DOCK9: variants seen among roughly 807,000 people sequenced by gnomAD.
The protein encoded by DOCK9 is dedicator of cytokinesis 9, also known as dedicator of cytokinesis protein 9.
In DOCK9, 89 loss-of-function variants were observed where a neutral mutation model predicts 263.3. The ratio of observed to expected loss-of-function variants is 0.34; its 90% CI spans 0.28 to 0.40. The LOEUF is 0.40. Among genes scored for constraint, DOCK9 ranks in the 10% least tolerant of loss-of-function variants. The probability of loss-of-function intolerance (pLI) is 1.00; values close to 1 mark genes in which losing one functional copy is unlikely to be tolerated. For missense variants in DOCK9, 2,140 were observed against 2,603.4 expected (o/e 0.82, Z 3.87); for synonymous variants, 976 against 973.1 (o/e 1.00, Z -0.06).
upstream of DOCK9, among the ~76,000 whole-genome samples, chr13:98,980,324 TA>T (rs1213848264): frequency 1.3e-5 from 2 of 152,278 alleles, no homozygotes; most frequent in African/African-American, 4.8e-5. Context: ...ATTGTTTATT[TA>T]ATCTTCATAA....
At chr13:98,804,901 T>C in intron 49 of DOCK9, 98 bp downstream of exon 49, 1 of 1,316,880 alleles carries the variant, frequency 7.6e-7, no homozygotes, top group Admixed American at 2.2e-5. Flanking sequence ...CTAACTGAGC[T>C]CGAAAGACCC....
chr13:98,824,359 C>T lies in DOCK9; in HGVS notation c.5130+39G>A, dbSNP rs534167442. On this transcript the variant is annotated intron_variant, in intron 45 of 52. Coordinates refer to ENST00000682017, the MANE Select transcript of DOCK9 (RefSeq NM_001366683.2). ...AATGCAAACAGCAGGCTCCCAGATA[C>T]CCCAGTACCTGAAAGCCCACATGAG... 3.1e-6 allele frequency: 5 copies of T among 1,589,090 alleles called. No individual in the cohort carries two copies. The South Asian group carries it at 5.5e-5, about 18-fold the overall frequency.
At chr13:98,885,395 C>A (rs753540131) in intron 20 of DOCK9, 5 of 521,658 alleles carry the variant, frequency 9.6e-6, no homozygotes, top group Non-Finnish European at 1.4e-5. Flanking sequence ...CTTGAGCTCA[C>A]GAGTTCGAGA....
intron 1 of DOCK9, among the ~76,000 whole-genome samples, chr13:99,025,624 G>A (rs746686549): frequency 3.9e-5 from 6 of 152,186 alleles, no homozygotes; most frequent in Non-Finnish European, 8.8e-5. Context: ...CAGCGTAGCC[G>A]CTATGGAAAA....
intron 30 of DOCK9, chr13:98,867,100 G>C (rs1326171722): frequency 2.2e-6 from 1 of 460,080 alleles, no homozygotes; most frequent in Admixed American, 2.5e-5. Context: ...GTTGGTGAAA[G>C]AAAAGCTAAT....
At chr13:99,024,661 C>T (rs1886512544) in intron 1 of DOCK9, among the ~76,000 whole-genome samples, 1 of 152,080 alleles carries the variant, frequency 6.6e-6, no homozygotes. Context: ...AGAAATATTC[C>T]TTGAGGGCGA....
At chr13:98,951,107 T>G (rs2057359825) in intron 2 of DOCK9, among the ~76,000 whole-genome samples, 1 of 152,214 alleles carries the variant, frequency 6.6e-6, no homozygotes, top group African/African-American at 2.4e-5. Context: ...CCTCTAACTT[T>G]GCTCATGGAA....
In DOCK9 at chr13:98,845,967, C is replaced by A. The variant is rs2093378168; in HGVS notation, c.4155G>T (p.Leu1385Phe). ...AGTTATCCAGGCTGCCCAGCTGCTG[C>A]AATCTGGCATGCATCATTCCTGTTC... is the stretch of plus-strand genomic sequence containing the variant. Reference protein sequence around the residue: ...RNRTGMMHARLQQLGSLDNSL... With the variant: ...RNRTGMMHARFQQLGSLDNSL... Residue 1385 changes from leucine to phenylalanine, a missense_variant, in exon 38 of 53, where the codon TTG becomes TTT. By Grantham distance (22) the Leu-to-Phe change is conservative. Transcript: ENST00000682017. The A allele has an allele frequency of 6.2e-7, 1 of 1,613,186 alleles. No individual in the cohort carries two copies. Among genetic ancestry groups the A allele is most frequent in the African/African-American group, 1.3e-5 (1 of 74,920 alleles).
At chr13:98,834,241 G>A (rs1441317936) in intron 39 of DOCK9, 2 of 152,120 alleles carry the variant, frequency 1.3e-5, no homozygotes, top group Non-Finnish European at 2.9e-5. Context: ...AACAAATCTC[G>A]GGTGTCAAAA....
upstream of DOCK9, chr13:99,086,638 C>A (rs1469710906): frequency 6.8e-6 from 1 of 146,892 alleles, no homozygotes; most frequent in East Asian, 2.0e-4. Context: ...GGCGGCTCCC[C>A]CATGCCACCA....
At chr13:98,999,557 A>C (rs1197619509) in intron 1 of DOCK9, among the ~76,000 whole-genome samples, 1 of 152,194 alleles carries the variant, frequency 6.6e-6, no homozygotes, top group Admixed American at 6.5e-5. Context: ...CAGACAACAT[A>C]AACAGTACTA....
rs375612684 is a variant in DOCK9 at position 98,896,781 on chromosome 13, C to T, written c.1709+707G>A. Among the ~76,000 whole-genome samples the T allele has an allele frequency of 5.3e-5, 8 of 152,204 alleles. No individual in the cohort carries two copies. The East Asian group carries it at 9.6e-4, about 18-fold the overall frequency. On this transcript the variant is annotated intron_variant, in intron 15 of 52. Coordinates refer to ENST00000682017, the MANE Select transcript of DOCK9 (RefSeq NM_001366683.2). Reference sequence around the variant, plus strand: ...GTGATGTTGCACACATTCCTTGCTCCCTCTTTGCCTCATTGTTATGGGTTG... The same window carrying T: ...GTGATGTTGCACACATTCCTTGCTCTCTCTTTGCCTCATTGTTATGGGTTG...
rs193148350 is a variant in DOCK9, at chr13:98,800,263, C to T, written c.5916+25G>A. On this transcript the variant is annotated intron_variant, in intron 50 of 52. Transcript: ENST00000682017. The stretch of plus-strand genomic sequence containing the variant: ...AGGGGCAAGGACGTCCCCTGCTGCC[C>T]TCCGGCCTGCTGTGCCTGGCTCACC... The T allele has an allele frequency of 7.7e-6, 12 of 1,564,166 alleles. No homozygotes were observed. The East Asian group carries it at 2.6e-4, about 34-fold the overall frequency.
At chr13:99,043,037 A>G (rs1888618611) in intron 1 of DOCK9, among the ~76,000 whole-genome samples, 2 of 151,988 alleles carry the variant, frequency 1.3e-5, no homozygotes, top group Non-Finnish European at 2.9e-5. Flanking sequence ...GGGTGACATC[A>G]TCTAGGCACA....
exon 1 of DOCK9, chr13:99,086,398 C>G: frequency 9.6e-7 from 1 of 1,040,878 alleles, no homozygotes; most frequent in Non-Finnish European, 1.2e-6. Flanking sequence ...CGCGGCCCGG[C>G]CCGGCCGCGC....
At chr13:98,937,388 A>T (rs1595476256) in intron 2 of DOCK9, among the ~76,000 whole-genome samples, 1 of 151,782 alleles carries the variant, frequency 6.6e-6, no homozygotes, top group African/African-American at 2.4e-5. Flanking sequence ...AAGAAAAAGA[A>T]AAAAAGAAAG....
intron 1 of DOCK9, among the ~76,000 whole-genome samples, chr13:99,029,989 C>G (rs1566325709): frequency 6.6e-6 from 1 of 152,212 alleles, no homozygotes; most frequent in East Asian, 1.9e-4. Flanking sequence ...ATACATGCTA[C>G]AAGCACAGAT....
chr13:98,992,944 T>A (rs1880155306), intron 1 of DOCK9, among the ~76,000 whole-genome samples: 1 of 152,026 alleles, frequency 6.6e-6, no homozygotes, highest in South Asian at 2.1e-4. Context: ...GAAGTACATA[T>A]CCAGAAAGGT....
chr13:98,994,280 A>C (rs569278959), intron 1 of DOCK9, among the ~76,000 whole-genome samples: 77 of 152,278 alleles, frequency 5.1e-4, no homozygotes, highest in African/African-American at 1.8e-3. Context: ...CAGGTATTCT[A>C]ATCTAGTGGT....
Sources: allele counts gnomAD v4.1 joint callset (sites outside exome capture counted in the v4.1 genomes callset), GRCh38; gene constraint gnomAD v4.1.1; transcripts MANE v1.5; gene names NCBI Gene and HGNC (gene_info 2026-07-23, HGNC 2026-07-21).